CSMD2: variants seen among roughly 807,000 people sequenced by gnomAD.
CSMD2 encodes the protein CUB and Sushi multiple domains 2, also known as CUB and sushi domain-containing protein 2.
A neutral mutation model predicts 398.5 loss-of-function variants in CSMD2; 130 were observed. The observed-to-expected ratio is 0.33, with a 90% CI of 0.28 to 0.38. The LOEUF is 0.38. Among genes scored for constraint, CSMD2 ranks in the 10% least tolerant of loss-of-function variants. The pLI is 1.00. For synonymous variants in CSMD2, 1,828 were observed against 1,908.5 expected (o/e 0.96, Z 1.10); for missense variants, 3,829 against 4,764.9 (o/e 0.80, Z 5.78).
At chr1:34,135,766 T>C (rs1638685825) in intron 1 of CSMD2, among the ~76,000 whole-genome samples, 1 of 151,852 alleles carries the variant, frequency 6.6e-6, no homozygotes, top group Non-Finnish European at 1.5e-5. Flanking sequence ...GAAAAAAGCA[T>C]GTTACAGAGT....
At chr1:33,587,050 C>T (rs201520456) in intron 45 of CSMD2, 38 bp downstream of exon 45, 27 of 1,517,084 alleles carry the variant, frequency 1.8e-5, no homozygotes, top group Non-Finnish European at 2.3e-5. Flanking sequence ...CTTCCCCAGT[C>T]CTGGGTTCAC....
intron 5 of CSMD2, among the ~76,000 whole-genome samples, chr1:33,898,060 T>C (rs1249811576): frequency 1.3e-5 from 2 of 152,140 alleles, no homozygotes; most frequent in Non-Finnish European, 2.9e-5. Context: ...GAGGAGGACA[T>C]TGAGGTTCAG....
rs74070225 is a variant in CSMD2, at chr1:34,015,242, G to A, written c.517+17352C>T. On this transcript the variant is annotated intron_variant, in intron 3 of 70. Coordinates refer to ENST00000373381, the MANE Select transcript of CSMD2 (RefSeq NM_001281956.2). ...GGGATCTTGGAGGGGAAGCACACTCGACCTCACTGGGCATGGCTGTATGTG... is the reference window on the plus strand; with the variant it reads ...GGGATCTTGGAGGGGAAGCACACTCAACCTCACTGGGCATGGCTGTATGTG... Among the ~76,000 whole-genome samples, 471 of 152,144 alleles carry A rather than the reference G, an allele frequency of 3.1e-3. 7 individuals are homozygous for A. The highest frequency in any genetic ancestry group is 0.024 in the Middle Eastern group (7 of 294).
At chr1:33,522,269 A>G (rs1044932890) in intron 67 of CSMD2, among the ~76,000 whole-genome samples, 1 of 152,126 alleles carries the variant, frequency 6.6e-6, no homozygotes, top group African/African-American at 2.4e-5. Context: ...CTTGCTGGCT[A>G]TCAAAAGGCT....
chr1:33,826,794 C>T (rs1038830360), intron 6 of CSMD2, among the ~76,000 whole-genome samples: 1 of 152,210 alleles, frequency 6.6e-6, no homozygotes, highest in South Asian at 2.1e-4. Flanking sequence ...AACAGCTTCA[C>T]CCTGTCTCTG....
intron 25 of CSMD2, among the ~76,000 whole-genome samples, chr1:33,683,085 GCTTGTCT>G (rs1179745812): frequency 6.6e-6 from 1 of 152,210 alleles, no homozygotes; most frequent in Non-Finnish European, 1.5e-5. Context: ...TTAGAGTCTA[GCTTGTCT>G]ACTACTTCAA....
At chr1:34,084,552 A>G (rs1657637208) in intron 2 of CSMD2, among the ~76,000 whole-genome samples, 2 of 152,188 alleles carry the variant, frequency 1.3e-5, no homozygotes, top group South Asian at 4.1e-4. Context: ...AAACAACCCC[A>G]TCAAAAAGTG....
At chr1:33,853,905 C>T (rs1638889723) in intron 5 of CSMD2, among the ~76,000 whole-genome samples, 1 of 152,172 alleles carries the variant, frequency 6.6e-6, no homozygotes, top group African/African-American at 2.4e-5. Flanking sequence ...ACCAGCTAAC[C>T]TTAAAATCTG....
intron 41 of CSMD2, among the ~76,000 whole-genome samples, chr1:33,609,289 G>A (rs1242441166): frequency 6.6e-6 from 1 of 152,178 alleles, no homozygotes. Flanking sequence ...TGCCCTTTAA[G>A]GCTTTCCCTA....
chr1:34,060,326 G>C (rs933323013), intron 2 of CSMD2, among the ~76,000 whole-genome samples: 5 of 152,146 alleles, frequency 3.3e-5, no homozygotes, highest in African/African-American at 1.2e-4. Flanking sequence ...GTTCTTTCTG[G>C]GTGCCAACAT....
At chr1:33,802,741 G>C (rs548777798) in intron 10 of CSMD2, among the ~76,000 whole-genome samples, 3 of 152,308 alleles carry the variant, frequency 2.0e-5, no homozygotes, top group African/African-American at 7.2e-5. Context: ...TCCTCGCAAA[G>C]GGAGCCCTGC....
At chr1:33,990,915 A>G (rs1388583448) in intron 3 of CSMD2, among the ~76,000 whole-genome samples, 1 of 152,050 alleles carries the variant, frequency 6.6e-6, no homozygotes, top group Non-Finnish European at 1.5e-5. Context: ...TAAATATTGC[A>G]TGGGTCATAC....
intron 29 of CSMD2, 121 bp downstream of exon 29, chr1:33,646,527 C>G (rs985969315): frequency 3.7e-6 from 4 of 1,067,078 alleles, no homozygotes; most frequent in Non-Finnish European, 4.1e-6. Context: ...GGCAGCAGTG[C>G]TAGGGTTGGT....
chr1:34,022,499 A>G (rs1184422622), intron 3 of CSMD2, among the ~76,000 whole-genome samples: 1 of 152,216 alleles, frequency 6.6e-6, no homozygotes, highest in Non-Finnish European at 1.5e-5. Flanking sequence ...GAAGGTAAAC[A>G]AGGAACAGAA....
intron 46 of CSMD2, among the ~76,000 whole-genome samples, chr1:33,584,400 G>A (rs369309984): frequency 1.2e-4 from 19 of 152,266 alleles, no homozygotes; most frequent in East Asian, 7.7e-4. Context: ...TGCTGGGTGC[G>A]GAGGCTCATG....
rs1051073009 is a variant in CSMD2 at position 33,519,900 on chromosome 1, A to C, written c.10648T>G (p.Ser3550Ala). The change falls in exon 69 of 71, where the codon TCC becomes GCC. Residue 3550 changes from serine to alanine, a missense_variant. Around this residue, in one of 5 missense-constraint regions of CSMD2, gnomAD observed 917 missense variants for 1,199.5 expected, o/e 0.76. Coordinates refer to ENST00000373381, the MANE Select transcript of CSMD2 (RefSeq NM_001281956.2). This position sits in a 1 kb window ranked among gnomAD's most constrained non-coding sequence, Gnocchi z 5.6. ...GCGGCTGCCACTGAGCTGCTGTTGG[A>C]AGCAAAGTGGCGGCCAATGGACTCG... ...DPESIGRHFA[S>A]NSSSVAAAIL... The C allele has an allele frequency of 3.1e-6, 5 of 1,613,956 alleles. No individual in the cohort carries two copies. The highest frequency in any genetic ancestry group is 3.3e-5 in the Admixed American group (2 of 59,994).
intron 3 of CSMD2, among the ~76,000 whole-genome samples, chr1:33,972,868 T>A (rs1473716832): frequency 1.6e-4 from 24 of 152,144 alleles, no homozygotes; most frequent in Admixed American, 1.6e-3. Context: ...CGCAACTGAC[T>A]CATCTACTGA....
At chr1:34,080,594 AG>A (rs1656956150) in intron 2 of CSMD2, among the ~76,000 whole-genome samples, 1 of 152,118 alleles carries the variant, frequency 6.6e-6, no homozygotes, top group Non-Finnish European at 1.5e-5. Flanking sequence ...GGAAAACCCT[AG>A]AGTCAAAGAA....
At chr1:33,813,710 G>A (rs1340201957) in intron 9 of CSMD2, among the ~76,000 whole-genome samples, 1 of 152,066 alleles carries the variant, frequency 6.6e-6, no homozygotes, top group Non-Finnish European at 1.5e-5. Context: ...TGCCAAAGAA[G>A]AGAACTGCTC....
Sources: gnomAD v4.1 joint callset for allele counts (sites outside exome capture counted in the v4.1 genomes callset) on GRCh38, gnomAD v4.1.1 for gene constraint, gnomAD v4.1.1 regional missense constraint, Gnocchi (gnomAD v3.1) non-coding constraint, MANE v1.5 for transcripts, NCBI Gene and HGNC (gene_info 2026-07-23, HGNC 2026-07-21) for gene names.